The following WNT3 variants were observed in gnomAD, a reference collection of about 807,000 sequenced individuals.
WNT3 encodes Wnt family member 3.
Under a neutral mutation model 34.2 loss-of-function variants are expected in WNT3, and 7 were observed. The observed-to-expected ratio is 0.20, with a 90% CI of 0.12 to 0.38. WNT3 has a LOEUF of 0.38. Ranked by LOEUF, WNT3 falls within the 10% of genes least tolerant of loss-of-function variation. The pLI, the probability that WNT3 is intolerant of heterozygous loss-of-function variation, is 1.00. For missense variants in WNT3, 267 were observed against 499.8 expected (o/e 0.53, Z 4.44); for synonymous variants, 212 against 211.5 (o/e 1.00, Z -0.02).
intron 1 of WNT3, among the ~76,000 whole-genome samples, chr17:46,774,508 C>T (rs1156274115): frequency 6.6e-6 from 1 of 152,254 alleles, no homozygotes; most frequent in Non-Finnish European, 1.5e-5. Context: ...ACCATCTTTC[C>T]AGTTTCCTAG....
At chr17:46,778,292 A>G (rs907371629) in intron 1 of WNT3, among the ~76,000 whole-genome samples, 4 of 152,212 alleles carry the variant, frequency 2.6e-5, no homozygotes, top group African/African-American at 9.6e-5. Flanking sequence ...GTGGCAGAAC[A>G]AAGACAGTTG....
At chr17:46,802,839 A>G (rs891092686) in intron 1 of WNT3, among the ~76,000 whole-genome samples, 7 of 152,112 alleles carry the variant, frequency 4.6e-5, no homozygotes, top group African/African-American at 1.4e-4. Context: ...CTTCATCTGT[A>G]TCCTTGTAAT....
chr17:46,777,516 A>G (rs2059422128), intron 1 of WNT3, among the ~76,000 whole-genome samples: 1 of 152,264 alleles, frequency 6.6e-6, no homozygotes, highest in Non-Finnish European at 1.5e-5. Context: ...AGACATCTCC[A>G]GGAAGAAGGT....
intron 1 of WNT3, among the ~76,000 whole-genome samples, chr17:46,784,426 G>A (rs906873197): frequency 4.6e-5 from 7 of 152,084 alleles, no homozygotes; most frequent in Non-Finnish European, 2.9e-5. Context: ...GCTAAAAGTT[G>A]AATTATACTT....
intron 1 of WNT3, among the ~76,000 whole-genome samples, chr17:46,779,103 A>ACACACACACACACACACACACACCCC (rs749719578): frequency 5.2e-5 from 7 of 133,658 alleles, no homozygotes; most frequent in African/African-American, 1.6e-4. Flanking sequence ...ACACACACAC[A>ACACACACACACACACACACACACCCC]CCCCAGCCCA....
intron 1 of WNT3, among the ~76,000 whole-genome samples, chr17:46,804,646 T>C (rs1469467774): frequency 6.6e-6 from 1 of 152,024 alleles, no homozygotes; most frequent in African/African-American, 2.4e-5. Flanking sequence ...TAAAGGTGAG[T>C]AGAGGATGGG....
chr17:46,785,687 C>G (rs991506333), intron 1 of WNT3, among the ~76,000 whole-genome samples: 1 of 152,210 alleles, frequency 6.6e-6, no homozygotes, highest in Non-Finnish European at 1.5e-5. Context: ...CCGGGAGGAC[C>G]ATGGTTCTGG....
At chr17:46,791,711 TTTC>T (rs1405823124) in intron 1 of WNT3, among the ~76,000 whole-genome samples, 2 of 152,224 alleles carry the variant, frequency 1.3e-5, no homozygotes, top group Non-Finnish European at 2.9e-5. Flanking sequence ...TAGGAAGGCA[TTTC>T]TTCTGGGGGA....
chr17:46,818,637 A>G lies in WNT3; in HGVS notation c.-40T>C, dbSNP rs753384034. The G allele has an allele frequency of 1.9e-5, 30 of 1,547,132 alleles. No individual in the cohort carries two copies. In the South Asian group the frequency reaches 3.4e-4, roughly 18 times the overall value. ...AGGAGGAAGTTTGCCCGCGACCATG[A>G]AGAGGGGGAGCGACGCCCCCAATAG... On this transcript the variant is annotated 5_prime_UTR_variant, in exon 1 of 5. Transcript: ENST00000225512.
At position 46,818,466 on chromosome 17, in the gene WNT3, C is replaced by T. The variant is rs1039657863; in HGVS notation, c.80+52G>A. 14 of 1,556,534 alleles carry T rather than the reference C, an allele frequency of 9.0e-6. No individual in the cohort carries two copies. The Admixed American group carries it at 2.3e-4, about 25-fold the overall frequency. ...ACCCCCAGCCGGCGCCCCCACCTTC[C>T]CCGGACGCGGCGGAGAAACCGGGCC... On this transcript the variant is annotated intron_variant, in intron 1 of 4. Coordinates refer to ENST00000225512, the MANE Select transcript of WNT3 (RefSeq NM_030753.5).
chr17:46,771,748 G>A (rs2059373553), intron 2 of WNT3, among the ~76,000 whole-genome samples: 1 of 92,052 alleles, frequency 1.1e-5, no homozygotes, highest in Non-Finnish European at 2.2e-5. Context: ...CATTGAAGCG[G>A]CGCCCCCCGC....
At chr17:46,804,256 T>G (rs1568093656) in intron 1 of WNT3, among the ~76,000 whole-genome samples, 1 of 151,796 alleles carries the variant, frequency 6.6e-6, no homozygotes, top group Non-Finnish European at 1.5e-5. Context: ...CCCGGCTAAT[T>G]TTTGTATTTT....
intron 4 of WNT3, among the ~76,000 whole-genome samples, chr17:46,767,328 G>C (rs2059322418): frequency 1.3e-5 from 2 of 152,146 alleles, no homozygotes; most frequent in Non-Finnish European, 2.9e-5. Context: ...AACTCGGTGA[G>C]AGTGCTCCCC....
At chr17:46,773,620 C>CCCGG in intron 2 of WNT3, 48 bp downstream of exon 2, 1 of 434,382 alleles carries the variant, frequency 2.3e-6, no homozygotes, top group Non-Finnish European at 4.7e-6. Flanking sequence ...CAGTCCTGAT[C>CCCGG]CCTCCCCCCA....
intron 4 of WNT3, among the ~76,000 whole-genome samples, chr17:46,765,542 TTC>T (rs1361397784): frequency 1.3e-5 from 2 of 152,246 alleles, no homozygotes; most frequent in Non-Finnish European, 2.9e-5. Context: ...TGCGACTCCC[TTC>T]TCTCTCCTGC....
chr17:46,794,985 A>G (rs1490388622), intron 1 of WNT3, among the ~76,000 whole-genome samples: 1 of 151,962 alleles, frequency 6.6e-6, no homozygotes, highest in East Asian at 1.9e-4. Context: ...TCCTGACCAC[A>G]GGTGATCTGC....
chr17:46,816,475 GCACACACACACACACACA>G (rs113581876), intron 1 of WNT3, among the ~76,000 whole-genome samples: 1 of 144,242 alleles, frequency 6.9e-6, no homozygotes, highest in Non-Finnish European at 1.5e-5. Flanking sequence ...CAGAACACAC[GCACACACACACACACACA>G]CACACACACA....
chr17:46,800,996 A>G (rs1225247854), intron 1 of WNT3, among the ~76,000 whole-genome samples: 1 of 152,234 alleles, frequency 6.6e-6, no homozygotes, highest in South Asian at 2.1e-4. Context: ...AGACTGTAAC[A>G]TGAAATTAAT....
Position 46,773,629 on chromosome 17 carries a change from C to A in WNT3, c.322+39G>T, listed in dbSNP as rs1568076608. On this transcript the variant is annotated intron_variant, in intron 2 of 4. Transcript: ENST00000225512. Reference sequence around the variant, plus strand: ...GGCATACAGTCCTGATCCCTCCCCCCACCCAGCCCCTCCCCCCCCCTCAGC... The same window carrying A: ...GGCATACAGTCCTGATCCCTCCCCCAACCCAGCCCCTCCCCCCCCCTCAGC... 5.8e-6 allele frequency: 3 copies of A among 513,520 alleles called. No homozygotes were observed. In the Admixed American group the frequency reaches 8.7e-5, roughly 15 times the overall value. The allele number at this position is 513,520 out of a possible 1,614,324, so 31.8% of individuals were successfully genotyped here.
Sources: gnomAD v4.1 joint callset for allele counts (sites outside exome capture counted in the v4.1 genomes callset) on GRCh38, gnomAD v4.1.1 for gene constraint, MANE v1.5 for transcripts, NCBI Gene and HGNC (gene_info 2026-07-23, HGNC 2026-07-21) for gene names.